FBXW11: variants seen among roughly 807,000 people sequenced by gnomAD.
The protein encoded by FBXW11 is F-box/WD repeat-containing protein 11.
A neutral mutation model predicts 77.6 loss-of-function variants in FBXW11; 19 were observed. That is an observed-to-expected ratio of 0.24 (90% CI 0.17 to 0.36). The LOEUF (loss-of-function observed/expected upper bound fraction) is 0.36. Among genes scored for constraint, FBXW11 ranks in the 10% least tolerant of loss-of-function variants. The pLI is 1.00. For synonymous variants in FBXW11, 235 were observed against 249.4 expected (o/e 0.94, Z 0.54); for missense variants, 334 against 704.2 (o/e 0.47, Z 5.95).
rs34775989 is a variant in FBXW11 at position 171,874,752 on chromosome 5, C to CAAAAA, written c.1221+1528_1221+1532dup. On this transcript the variant is annotated intron_variant, in intron 9 of 13. Coordinates refer to ENST00000517395, the MANE Select transcript of FBXW11 (RefSeq NM_001378974.1). ...GTGACAAAGTGAGACCTGGTCTCTACAAAAAAAAAAAAAAAAAAAAAAAAA... is the reference window on the plus strand; with the variant it reads ...GTGACAAAGTGAGACCTGGTCTCTACAAAAAAAAAAAAAAAAAAAAAAAAAAAAAA... 7.9e-4 allele frequency among the ~76,000 whole-genome samples: 30 copies of CAAAAA among 38,076 alleles called. 3 individuals carry two copies. Among genetic ancestry groups the CAAAAA allele is most frequent in the African/African-American group, 1.8e-3 (24 of 13,078 alleles). 25.0% of individuals were successfully genotyped at this position (38,076 alleles called of 152,430 possible). A position where few individuals can be genotyped will look rare whatever the true frequency, so the allele number is the denominator to read the frequency against.
intron 3 of FBXW11, among the ~76,000 whole-genome samples, 197 bp from the exon 4 acceptor site, chr5:171,910,994 G>A (rs574529386): frequency 6.6e-6 from 1 of 152,100 alleles, no homozygotes; most frequent in South Asian, 2.1e-4. Flanking sequence ...AGTCACTACA[G>A]GAAATGCCAA....
chr5:171,891,927 T>A (rs1327379060), intron 6 of FBXW11, among the ~76,000 whole-genome samples: 1 of 152,060 alleles, frequency 6.6e-6, no homozygotes, highest in Non-Finnish European at 1.5e-5. Context: ...AAATAGTAAC[T>A]CATTGGGTCG....
rs554409272 is a variant in FBXW11, at chr5:171,885,058, C to T, written c.852+6409G>A. Among the ~76,000 whole-genome samples the T allele has an allele frequency of 7.2e-5, 11 of 152,258 alleles. No individual in the cohort carries two copies. In the East Asian group the frequency reaches 1.5e-3, roughly 21 times the overall value. On this transcript the variant is annotated intron_variant, in intron 7 of 13. Coordinates refer to ENST00000517395, the MANE Select transcript of FBXW11 (RefSeq NM_001378974.1). ...CTCAGTTCTTCCTCACCCCTTTATG[C>T]GTGACCAAATGGATGAGGGGGCTGG...
At chr5:171,979,592 T>C (rs1421253450) in intron 1 of FBXW11, among the ~76,000 whole-genome samples, 1 of 152,154 alleles carries the variant, frequency 6.6e-6, no homozygotes, top group African/African-American at 2.4e-5. Context: ...TATGTGTAAA[T>C]AATGGTGGTG....
chr5:171,890,897 A>G (rs1252349601), intron 7 of FBXW11, among the ~76,000 whole-genome samples: 2 of 152,350 alleles, frequency 1.3e-5, no homozygotes, highest in East Asian at 3.9e-4. Flanking sequence ...ACAACAAAAG[A>G]GCAAACTTCC....
chr5:171,867,476 T>G (rs893283590), intron 13 of FBXW11, among the ~76,000 whole-genome samples: 20 of 148,940 alleles, frequency 1.3e-4, no homozygotes, highest in African/African-American at 5.0e-4. Flanking sequence ...ACTTAATGGA[T>G]AAGCAGAGAC....
At chr5:171,947,392 G>C (rs1763067285) in intron 2 of FBXW11, among the ~76,000 whole-genome samples, 1 of 152,068 alleles carries the variant, frequency 6.6e-6, no homozygotes, top group Non-Finnish European at 1.5e-5. Flanking sequence ...GTTTTTGCTA[G>C]TAGATTAAAA....
intron 2 of FBXW11, among the ~76,000 whole-genome samples, chr5:171,946,883 C>T (rs1763042904): frequency 1.4e-5 from 2 of 144,694 alleles, no homozygotes; most frequent in Admixed American, 7.1e-5. Context: ...GGCGGGATCT[C>T]GGCTCACTGC....
At chr5:171,901,009 T>C (rs1165900511) in intron 4 of FBXW11, among the ~76,000 whole-genome samples, 2 of 152,226 alleles carry the variant, frequency 1.3e-5, no homozygotes, top group Non-Finnish European at 2.9e-5. Context: ...AAGCTTATTC[T>C]GTGTAGGGAC....
At chr5:171,938,285 A>G (rs1022864008) in intron 2 of FBXW11, among the ~76,000 whole-genome samples, 2 of 152,302 alleles carry the variant, frequency 1.3e-5, no homozygotes, top group East Asian at 3.9e-4. Flanking sequence ...GCTGGTCTTG[A>G]ATTCCTGGGC....
rs372130772 is a variant in FBXW11 at position 172,006,469 on chromosome 5, T to C, written c.34A>G (p.Ile12Val). ...EPDSVIEDKT[I>V]ELMCSVPRSL... ...CGGGCCGCACTCACCATGAGCTCGA[T>C]GGTCTTGTCCTCAATCACCGAGTCG... is the stretch of plus-strand genomic sequence containing the variant. Residue 12 changes from isoleucine to valine, a missense_variant, in exon 1 of 14, where the codon ATC becomes GTC. By Grantham distance (29) the Ile-to-Val change is conservative. Coordinates refer to ENST00000517395, the MANE Select transcript of FBXW11 (RefSeq NM_001378974.1). 313 of 1,559,672 alleles carry C rather than the reference T, an allele frequency of 2.0e-4. No individual in the cohort carries two copies. The highest frequency in any genetic ancestry group is 2.7e-4 in the Non-Finnish European group (307 of 1,155,584).
chr5:171,913,283 A>G (rs1347727790), intron 3 of FBXW11, among the ~76,000 whole-genome samples: 1 of 152,220 alleles, frequency 6.6e-6, no homozygotes, highest in Non-Finnish European at 1.5e-5. Context: ...ATTTACAGAT[A>G]AGTTCCTAAT....
intron 7 of FBXW11, among the ~76,000 whole-genome samples, chr5:171,882,296 C>T (rs578017938): frequency 6.6e-6 from 1 of 152,282 alleles, no homozygotes; most frequent in South Asian, 2.1e-4. Flanking sequence ...CACACATGTG[C>T]ACACACACAG....
intron 2 of FBXW11, among the ~76,000 whole-genome samples, chr5:171,950,701 C>A (rs1311508835): frequency 6.6e-6 from 1 of 152,030 alleles, no homozygotes; most frequent in African/African-American, 2.4e-5. Context: ...GCCTGGCCAA[C>A]GTGGCAAAAT....
At chr5:171,972,224 T>C (rs996031785) in intron 1 of FBXW11, among the ~76,000 whole-genome samples, 2 of 150,838 alleles carry the variant, frequency 1.3e-5, no homozygotes, top group African/African-American at 4.9e-5. Context: ...ACACCTGTAA[T>C]CCCAGAATTT....
intron 7 of FBXW11, among the ~76,000 whole-genome samples, chr5:171,890,662 C>T (rs1160862331): frequency 6.6e-6 from 1 of 152,064 alleles, no homozygotes; most frequent in Admixed American, 6.6e-5. Flanking sequence ...CCCCAAAAAA[C>T]CTACAGGTAT....
intron 2 of FBXW11, among the ~76,000 whole-genome samples, chr5:171,926,652 G>A (rs374926680): frequency 2.9e-4 from 44 of 151,924 alleles, no homozygotes; most frequent in African/African-American, 1.1e-3. Flanking sequence ...CCAAGCAGAC[G>A]CTGCCATGCT....
intron 7 of FBXW11, among the ~76,000 whole-genome samples, chr5:171,878,522 C>T (rs1758256078): frequency 6.7e-6 from 1 of 150,282 alleles, no homozygotes; most frequent in East Asian, 1.9e-4. Context: ...AAAGACCAGC[C>T]TGGGCAACAT....
chr5:171,952,571 G>C (rs1279397969), intron 2 of FBXW11, among the ~76,000 whole-genome samples: 3 of 144,772 alleles, frequency 2.1e-5, no homozygotes, highest in African/African-American at 7.7e-5. Flanking sequence ...TCCTGCCTCA[G>C]CCTCCCAAGT....
Sources: gnomAD v4.1 joint callset for allele counts (sites outside exome capture counted in the v4.1 genomes callset) on GRCh38, gnomAD v4.1.1 for gene constraint, MANE v1.5 for transcripts, NCBI Gene and HGNC (gene_info 2026-07-23, HGNC 2026-07-21) for gene names.